DNAH11: variants seen among roughly 807,000 people sequenced by gnomAD.
DNAH11 encodes the protein axonemal beta dynein heavy chain 11.
DNAH11 carries 442 observed loss-of-function variants against 526.0 expected under a neutral mutation model. The ratio of observed to expected loss-of-function variants is 0.84; its 90% CI spans 0.78 to 0.91. The LOEUF (loss-of-function observed/expected upper bound fraction) is 0.91. Ranked by LOEUF, DNAH11 falls within the 40% of genes least tolerant of loss-of-function variation. The pLI is 0.00. For missense variants in DNAH11, 6,989 were observed against 5,448.7 expected (o/e 1.28, Z -8.90); for synonymous variants, 2,461 against 1,935.9 (o/e 1.27, Z -7.12).
chr7:21,838,153 C>G (rs1782065455), intron 65 of DNAH11, among the ~76,000 whole-genome samples: 1 of 152,144 alleles, frequency 6.6e-6, no homozygotes, highest in Non-Finnish European at 1.5e-5. Flanking sequence ...TGATGATGCT[C>G]TCCACTGTAG....
At position 21,561,051 on chromosome 7, in the gene DNAH11, C is replaced by A; in HGVS notation, c.883-20C>A. The A allele has an allele frequency of 6.6e-7, 1 of 1,520,652 alleles. No individual in the cohort carries two copies. The highest frequency in any genetic ancestry group is 8.9e-7 in the Non-Finnish European group (1 of 1,117,364). 94.2% of individuals were successfully genotyped at this position (1,520,652 alleles called of 1,614,324 possible). A position where few individuals can be genotyped will look rare whatever the true frequency, so the allele number is the denominator to read the frequency against. On this transcript the variant is annotated intron_variant, in intron 4 of 81. Coordinates refer to ENST00000409508, the MANE Select transcript of DNAH11 (RefSeq NM_001277115.2). ...CGAGTTTATATTTATTAAAGTTCTT[C>A]TTTTTTTCCTTTAACTTAGCTTCAG... is the stretch of plus-strand genomic sequence containing the variant.
chr7:21,591,894 C>A (rs1458323920), intron 14 of DNAH11, among the ~76,000 whole-genome samples: 1 of 152,182 alleles, frequency 6.6e-6, no homozygotes, highest in Non-Finnish European at 1.5e-5. Flanking sequence ...TGTTTGTTGA[C>A]TGCCTCGTAT....
chr7:21,852,046 A>G (rs1045732221), intron 66 of DNAH11, among the ~76,000 whole-genome samples: 1 of 152,112 alleles, frequency 6.6e-6, no homozygotes, highest in African/African-American at 2.4e-5. Context: ...TATGATTTTA[A>G]TGTTAAGGGT....
chr7:21,623,525 T>C (rs1212354537), intron 25 of DNAH11, among the ~76,000 whole-genome samples: 1 of 152,226 alleles, frequency 6.6e-6, no homozygotes, highest in Non-Finnish European at 1.5e-5. Flanking sequence ...CGTATGTTTA[T>C]TGTGGCACTA....
intron 65 of DNAH11, among the ~76,000 whole-genome samples, chr7:21,842,115 G>C (rs1488373795): frequency 6.6e-6 from 1 of 152,182 alleles, no homozygotes; most frequent in Non-Finnish European, 1.5e-5. Flanking sequence ...CCAGGAACAT[G>C]CCATAGGAAC....
chr7:21,696,962 T>G (rs1424435974), intron 35 of DNAH11, among the ~76,000 whole-genome samples: 3 of 152,188 alleles, frequency 2.0e-5, no homozygotes, highest in South Asian at 4.1e-4. Flanking sequence ...CCATTTACTC[T>G]TCATCTTCTG....
chr7:21,634,289 A>G (rs190628610), intron 25 of DNAH11, among the ~76,000 whole-genome samples: 40 of 152,340 alleles, frequency 2.6e-4, no homozygotes, highest in African/African-American at 8.2e-4. Context: ...AACTAGATAA[A>G]GAGACTAAAG....
At chr7:21,596,548 G>A (rs1352699100) in intron 14 of DNAH11, among the ~76,000 whole-genome samples, 2 of 152,184 alleles carry the variant, frequency 1.3e-5, no homozygotes, top group African/African-American at 4.8e-5. Flanking sequence ...GAGGACAGAT[G>A]ATGGATTACG....
chr7:21,588,371 A>T (rs1784547195), intron 10 of DNAH11, 141 bp from the exon 11 acceptor site: 1 of 1,321,428 alleles, frequency 7.6e-7, no homozygotes, highest in East Asian at 2.3e-5. Flanking sequence ...TAGGACTGTA[A>T]CTCTTCTAGT....
intron 74 of DNAH11, among the ~76,000 whole-genome samples, chr7:21,875,517 G>T (rs1476823788): frequency 6.6e-6 from 1 of 152,028 alleles, no homozygotes; most frequent in Non-Finnish European, 1.5e-5. Context: ...TGCACATTGG[G>T]CCAGACACAG....
intron 28 of DNAH11, among the ~76,000 whole-genome samples, chr7:21,641,738 T>G (rs1787139659): frequency 6.6e-6 from 1 of 152,238 alleles, no homozygotes; most frequent in South Asian, 2.1e-4. Context: ...TTCGGTATTT[T>G]ACAGAGTGCT....
rs748852905 is a variant in DNAH11, at chr7:21,589,286, T to A, written c.2052T>A (p.Ser684Arg). 5 of 1,610,328 alleles carry A rather than the reference T, an allele frequency of 3.1e-6. No homozygotes were observed. The South Asian group carries it at 3.3e-5, about 11-fold the overall frequency. ...CCACTTTGCTTGATCAATTTGAAAG[T>A]CGTATCTATAATGAATGGAAAAGTA... ...EMTTLLDQFE[S>R]RIYNEWKSNV... Residue 684 changes from serine to arginine, a missense_variant, in exon 12 of 82, where the codon AGT becomes AGA. Transcript: ENST00000409508.
At position 21,543,440 on chromosome 7, in the gene DNAH11, C is replaced by T. The variant is rs369285943; in HGVS notation, c.195C>T (p.Arg65=). ...CGCGGGTGCGCTTCCTCGGCGGCCG[C>T]CTGGCGATGATGCTGGGGTTCACGG... ...QDARVRFLGG[R]LAMMLGFTEE... is the part of the protein sequence containing the mutation. Residue 65 remains arginine (R), a synonymous_variant, in exon 1 of 82, where the codon CGC becomes CGT. Transcript: ENST00000409508. 1.9e-4 allele frequency: 303 copies of T among 1,561,994 alleles called. 1 individual carries two copies. In the African/African-American group the frequency reaches 3.5e-3, roughly 18 times the overall value.
chr7:21,848,972 G>A lies in DNAH11; in HGVS notation c.10897-3495G>A, dbSNP rs376899785. 3.1e-3 allele frequency among the ~76,000 whole-genome samples: 474 copies of A among 152,174 alleles called. 2 individuals carry two copies. Among genetic ancestry groups the A allele is most frequent in the African/African-American group, 0.011 (461 of 41,514 alleles). On this transcript the variant is annotated intron_variant, in intron 66 of 81. Transcript: ENST00000409508. Reference sequence around the variant, plus strand: ...ACAATCTCGGCTCACTGCAACCTCTGCCTCCTTGGTTCAAACAATTCTCCT... The same window carrying A: ...ACAATCTCGGCTCACTGCAACCTCTACCTCCTTGGTTCAAACAATTCTCCT...
At chr7:21,719,536 A>T (rs1323161967) in intron 43 of DNAH11, among the ~76,000 whole-genome samples, 1 of 152,200 alleles carries the variant, frequency 6.6e-6, no homozygotes, top group Non-Finnish European at 1.5e-5. Context: ...GTGCCTTAGA[A>T]CAACATGGCT....
chr7:21,852,336 G>A, intron 66 of DNAH11, 131 bp from the exon 67 acceptor site: 1 of 838,188 alleles, frequency 1.2e-6, no homozygotes, highest in Non-Finnish European at 1.7e-6. Context: ...TAACCCAGGA[G>A]GCACACGTCG....
At chr7:21,601,349 T>A (rs1198331347) in intron 17 of DNAH11, 47 bp from the exon 18 acceptor site, 1 of 1,550,674 alleles carries the variant, frequency 6.4e-7, no homozygotes, top group East Asian at 2.3e-5. Flanking sequence ...GCTAAATGTT[T>A]TAATAAACTT....
chr7:21,846,611 A>T (rs908406356), intron 66 of DNAH11, among the ~76,000 whole-genome samples: 1 of 152,040 alleles, frequency 6.6e-6, no homozygotes, highest in Non-Finnish European at 1.5e-5. Flanking sequence ...TTGATTTGCT[A>T]ATTTTTTGAG....
At chr7:21,739,766 C>T (rs1284238674) in intron 48 of DNAH11, 93 bp downstream of exon 48, 3 of 930,258 alleles carry the variant, frequency 3.2e-6, no homozygotes, top group Non-Finnish European at 4.9e-6. Context: ...TCTTGTTAAG[C>T]ACGTTTCTCA....
Sources: gnomAD v4.1 joint callset for allele counts (sites outside exome capture counted in the v4.1 genomes callset) on GRCh38, gnomAD v4.1.1 for gene constraint, MANE v1.5 for transcripts, NCBI Gene and HGNC (gene_info 2026-07-23, HGNC 2026-07-21) for gene names.